The following PRKN variants were observed in gnomAD, a reference collection of about 807,000 sequenced individuals.
The protein encoded by PRKN is parkin RBR E3 ubiquitin protein ligase.
A neutral mutation model predicts 59.5 loss-of-function variants in PRKN; 56 were observed. The observed-to-expected ratio is 0.94, with a 90% CI of 0.76 to 1.18. The LOEUF is 1.18. Among genes scored for constraint, PRKN ranks in the 50% most tolerant of loss-of-function variants. PRKN has a pLI of 0.00. For missense variants in PRKN, 657 were observed against 596.4 expected (o/e 1.10, Z -1.06); for synonymous variants, 250 against 222.1 (o/e 1.13, Z -1.12).
chr6:162,587,711 CAGTT>C (rs970146213), intron 1 of PRKN, among the ~76,000 whole-genome samples: 14 of 152,046 alleles, frequency 9.2e-5, no homozygotes, highest in East Asian at 1.9e-4. Flanking sequence ...AATAGACTAT[CAGTT>C]AGGTTGCAGT....
At chr6:161,437,143 C>T (rs1788950005) in intron 9 of PRKN, among the ~76,000 whole-genome samples, 1 of 152,130 alleles carries the variant, frequency 6.6e-6, no homozygotes, top group African/African-American at 2.4e-5. Context: ...ACATTCACAA[C>T]AGTGCTACAG....
intron 1 of PRKN, among the ~76,000 whole-genome samples, chr6:162,625,513 A>C (rs1782847595): frequency 6.6e-6 from 1 of 152,168 alleles, no homozygotes; most frequent in Non-Finnish European, 1.5e-5. Flanking sequence ...AAGTGTCTTC[A>C]GGGTTTACTC....
At chr6:162,061,077 AAAG>A (rs1271354071) in intron 4 of PRKN, among the ~76,000 whole-genome samples, 1 of 152,200 alleles carries the variant, frequency 6.6e-6, no homozygotes, top group African/African-American at 2.4e-5. Flanking sequence ...AAAATGATAC[AAAG>A]AAGGAGCTTT....
At chr6:162,061,957 C>G (rs144579946) in intron 4 of PRKN, among the ~76,000 whole-genome samples, 55 of 152,302 alleles carry the variant, frequency 3.6e-4, no homozygotes, top group Non-Finnish European at 7.1e-4. Context: ...AATATACACA[C>G]TGTTGGTGCA....
chr6:161,374,738 GGTGT>G (rs531395740), intron 10 of PRKN, among the ~76,000 whole-genome samples: 65 of 151,496 alleles, frequency 4.3e-4, no homozygotes, highest in African/African-American at 1.4e-3. Context: ...ACATATGTGT[GGTGT>G]GTGTGTGTGT....
intron 1 of PRKN, among the ~76,000 whole-genome samples, chr6:162,480,252 AC>A (rs1365322164): frequency 2.6e-5 from 4 of 152,142 alleles, no homozygotes; most frequent in Non-Finnish European, 5.9e-5. Context: ...CTAGGATGTT[AC>A]CATGGCGAAG....
intron 7 of PRKN, among the ~76,000 whole-genome samples, chr6:161,780,416 G>A (rs530874092): frequency 6.6e-6 from 1 of 152,108 alleles, no homozygotes; most frequent in Non-Finnish European, 1.5e-5. Context: ...TATATTGGAT[G>A]GTCATATGTC....
chr6:162,301,781 GGC>G (rs140295901), intron 2 of PRKN, among the ~76,000 whole-genome samples: 8,560 of 60,166 alleles, frequency 0.14, 1,137 homozygotes, highest in East Asian at 0.57. Context: ...AATTGGCCGG[GGC>G]GGGGGGGGGG....
chr6:161,870,785 C>T (rs1446980188), intron 6 of PRKN, among the ~76,000 whole-genome samples: 1 of 152,140 alleles, frequency 6.6e-6, no homozygotes, highest in African/African-American at 2.4e-5. Flanking sequence ...TCATGGACCT[C>T]CTCTTCTTTA....
chr6:161,787,289 T>G (rs1245653899), intron 6 of PRKN, among the ~76,000 whole-genome samples: 1 of 152,220 alleles, frequency 6.6e-6, no homozygotes, highest in Non-Finnish European at 1.5e-5. Context: ...CCTTGGTATT[T>G]TAATGCCATG....
At chr6:162,686,671 G>T (rs1342300770) in intron 1 of PRKN, among the ~76,000 whole-genome samples, 1 of 152,144 alleles carries the variant, frequency 6.6e-6, no homozygotes, top group Non-Finnish European at 1.5e-5. Flanking sequence ...TACCACTTTG[G>T]GAAGTCAAGC....
chr6:161,880,805 A>C (rs1342836377), intron 6 of PRKN, among the ~76,000 whole-genome samples: 1 of 152,110 alleles, frequency 6.6e-6, no homozygotes, highest in Non-Finnish European at 1.5e-5. Context: ...AAGAAACTTA[A>C]TCTGTGCTTC....
chr6:162,554,275 G>A (rs571894648), intron 1 of PRKN, among the ~76,000 whole-genome samples: 9 of 152,126 alleles, frequency 5.9e-5, no homozygotes, highest in Non-Finnish European at 1.3e-4. Context: ...AGGCTGAGGC[G>A]GGCGGATCAC....
intron 2 of PRKN, among the ~76,000 whole-genome samples, chr6:162,368,225 A>C (rs920110335): frequency 1.3e-5 from 2 of 152,072 alleles, no homozygotes; most frequent in Non-Finnish European, 2.9e-5. Flanking sequence ...TGCATGGAGC[A>C]TATCTGGGTG....
intron 7 of PRKN, among the ~76,000 whole-genome samples, chr6:161,605,480 C>A (rs185235129): frequency 6.6e-6 from 1 of 150,516 alleles, no homozygotes; most frequent in East Asian, 1.9e-4. Context: ...TGTTTTGACA[C>A]CATTGTAAAT....
At chr6:161,727,157 G>C (rs1425037358) in intron 7 of PRKN, among the ~76,000 whole-genome samples, 1 of 152,208 alleles carries the variant, frequency 6.6e-6, no homozygotes, top group Non-Finnish European at 1.5e-5. Context: ...CTGCTGGCTA[G>C]CTGTCGTTTC....
At chr6:161,585,576 A>G (rs1360303452) in intron 7 of PRKN, among the ~76,000 whole-genome samples, 1 of 152,242 alleles carries the variant, frequency 6.6e-6, no homozygotes, top group Non-Finnish European at 1.5e-5. Context: ...GTGATTGTCA[A>G]TTAAATAGCG....
At position 162,310,019 on chromosome 6, in the gene PRKN, A is replaced by G. The variant is rs182678336; in HGVS notation, c.172-47254T>C. 4.5e-4 allele frequency among the ~76,000 whole-genome samples: 69 copies of G among 152,282 alleles called. 1 individual carries two copies. Among genetic ancestry groups the G allele is most frequent in the African/African-American group, 1.6e-3 (68 of 41,566 alleles). ...AGGATAATGGCTTCCAGCTCCATCC[A>G]TGTCCCTGCAAAGGACATGATCTCA... On this transcript the variant is annotated intron_variant, in intron 2 of 11. Coordinates refer to ENST00000366898, the MANE Select transcript of PRKN (RefSeq NM_004562.3).
At chr6:162,401,949 G>C (rs979400906) in intron 2 of PRKN, among the ~76,000 whole-genome samples, 2 of 152,040 alleles carry the variant, frequency 1.3e-5, no homozygotes, top group African/African-American at 2.4e-5. Flanking sequence ...ATTATTCTGA[G>C]TATTTCAAAC....
Sources: allele counts gnomAD v4.1 joint callset (sites outside exome capture counted in the v4.1 genomes callset), GRCh38; gene constraint gnomAD v4.1.1; transcripts MANE v1.5; gene names NCBI Gene and HGNC (gene_info 2026-07-23, HGNC 2026-07-21).